PTPRN2: variants seen among roughly 807,000 people sequenced by gnomAD.
PTPRN2 encodes protein tyrosine phosphatase receptor type N2, also known as receptor-type tyrosine-protein phosphatase N2.
A neutral mutation model predicts 118.8 loss-of-function variants in PTPRN2; 74 were observed. That is an observed-to-expected ratio of 0.62 (90% CI 0.52 to 0.76). The LOEUF (loss-of-function observed/expected upper bound fraction) is 0.76, where lower values mean the gene tolerates loss of function less well. PTPRN2 is among the 30% of genes least tolerant of loss of function. PTPRN2 has a pLI of 0.00. For missense variants in PTPRN2, 1,481 were observed against 1,394.4 expected (o/e 1.06, Z -0.99); for synonymous variants, 641 against 608.0 (o/e 1.05, Z -0.80).
At chr7:158,267,571 C>A (rs1312905134) in intron 3 of PTPRN2, among the ~76,000 whole-genome samples, 2 of 152,152 alleles carry the variant, frequency 1.3e-5, no homozygotes, top group Admixed American at 6.5e-5. Context: ...AACCCTTACA[C>A]GGGGGTGACT....
intron 2 of PTPRN2, among the ~76,000 whole-genome samples, chr7:158,344,269 G>C (rs1807320601): frequency 6.6e-6 from 1 of 152,154 alleles, no homozygotes; most frequent in African/African-American, 2.4e-5. Context: ...GGCTCGGGAA[G>C]AGCTGTCTTC....
At chr7:157,757,508 G>A (rs932348067) in intron 12 of PTPRN2, among the ~76,000 whole-genome samples, 1 of 152,082 alleles carries the variant, frequency 6.6e-6, no homozygotes, top group Non-Finnish European at 1.5e-5. Flanking sequence ...GGACCCCAGG[G>A]AACTTTGGAT....
At chr7:157,998,620 C>T (rs112702071) in intron 11 of PTPRN2, among the ~76,000 whole-genome samples, 3 of 152,120 alleles carry the variant, frequency 2.0e-5, no homozygotes, top group Non-Finnish European at 2.9e-5. Context: ...GTCAGGAGAT[C>T]GAGACCATCC....
intron 12 of PTPRN2, among the ~76,000 whole-genome samples, chr7:157,694,545 T>C (rs1797676937): frequency 6.6e-6 from 1 of 152,192 alleles, no homozygotes; most frequent in Non-Finnish European, 1.5e-5. Context: ...CGCGTTTGTA[T>C]TTGAGGTGCT....
rs1479967404 is a variant in PTPRN2 at position 157,763,496 on chromosome 7, A to G, written c.1789-80559T>C. On this transcript the variant is annotated intron_variant, in intron 12 of 22. Coordinates refer to ENST00000389418, the MANE Select transcript of PTPRN2 (RefSeq NM_002847.5). The surrounding 1 kb of genome is among the most constrained non-coding windows in gnomAD (Gnocchi z 4.9). ...CTCCTAGCCCCAAACCCCACGGCAC[A>G]GTTGGGGATCCTCTCGGCTGGGTCC... Among the ~76,000 whole-genome samples the G allele has an allele frequency of 6.6e-6, 1 of 152,000 alleles. No individual in the cohort carries two copies. The highest frequency in any genetic ancestry group is 6.5e-5 in the Admixed American group (1 of 15,268).
intron 2 of PTPRN2, among the ~76,000 whole-genome samples, chr7:158,394,983 G>T (rs777437541): frequency 6.6e-6 from 1 of 152,222 alleles, no homozygotes; most frequent in Non-Finnish European, 1.5e-5. Context: ...AGGAGGCCCT[G>T]CCCGTCCACA....
At chr7:158,140,488 G>A (rs979783146) in intron 6 of PTPRN2, among the ~76,000 whole-genome samples, 1 of 152,182 alleles carries the variant, frequency 6.6e-6, no homozygotes, top group African/African-American at 2.4e-5. Context: ...AGCGGATAAG[G>A]AGGCCACATC....
chr7:157,610,065 C>T lies in PTPRN2; in HGVS notation c.2345-5990G>A, dbSNP rs899002591. 3.9e-5 allele frequency among the ~76,000 whole-genome samples: 6 copies of T among 152,238 alleles called. No homozygotes were observed. The highest frequency in any genetic ancestry group is 1.4e-4 in the African/African-American group (6 of 41,458). Reference sequence around the variant, plus strand: ...GTCTTGCTACACAGATCCCTGAGGACGGCATTCCCCCAGGCCTCCTGGCTT... The same window carrying T: ...GTCTTGCTACACAGATCCCTGAGGATGGCATTCCCCCAGGCCTCCTGGCTT... On this transcript the variant is annotated intron_variant, in intron 15 of 22. Coordinates refer to ENST00000389418, the MANE Select transcript of PTPRN2 (RefSeq NM_002847.5). This position sits in a 1 kb window ranked among gnomAD's most constrained non-coding sequence, Gnocchi z 5.1.
At chr7:158,008,405 C>T (rs578026939) in intron 11 of PTPRN2, among the ~76,000 whole-genome samples, 13 of 152,352 alleles carry the variant, frequency 8.5e-5, no homozygotes, top group Admixed American at 1.3e-4. Context: ...CGGGGGCTCC[C>T]CGCCAGGTCT....
At chr7:158,343,359 G>T (rs1297115102) in intron 2 of PTPRN2, among the ~76,000 whole-genome samples, 1 of 152,164 alleles carries the variant, frequency 6.6e-6, no homozygotes, top group South Asian at 2.1e-4. Flanking sequence ...CCTACTGCCC[G>T]CTCAGCAGGA....
At chr7:158,125,658 A>G (rs1353631823) in intron 9 of PTPRN2, among the ~76,000 whole-genome samples, 1 of 152,238 alleles carries the variant, frequency 6.6e-6, no homozygotes, top group Non-Finnish European at 1.5e-5. Flanking sequence ...AAAGAGGAGC[A>G]AGTGACAAGG....
In PTPRN2 at chr7:158,290,117, T is replaced by C. The variant is rs530333804; in HGVS notation, c.277+26702A>G. ...GAGCTTGAATTTGTGGGGGTGAGCCTGGGTCCTGGATCCACAAGGGTTGGC... is the reference window on the plus strand; with the variant it reads ...GAGCTTGAATTTGTGGGGGTGAGCCCGGGTCCTGGATCCACAAGGGTTGGC... On this transcript the variant is annotated intron_variant, in intron 3 of 22. Coordinates refer to ENST00000389418, the MANE Select transcript of PTPRN2 (RefSeq NM_002847.5). Among the ~76,000 whole-genome samples, 22 of 152,114 alleles carry C rather than the reference T, an allele frequency of 1.4e-4. No individual in the cohort carries two copies. In the South Asian group the frequency reaches 4.2e-3, roughly 29 times the overall value.
Position 157,813,325 on chromosome 7 carries a change from G to A in PTPRN2, c.1788+85348C>T, listed in dbSNP as rs1806177180. ...GAGTCCAGCCAGTGCTGGGAAGCCG[G>A]TGTGGCTAGGACAACAAAGACCAAG... On this transcript the variant is annotated intron_variant, in intron 12 of 22. Transcript: ENST00000389418. The surrounding 1 kb of genome is among the most constrained non-coding windows in gnomAD (Gnocchi z 4.7). Among the ~76,000 whole-genome samples the A allele has an allele frequency of 1.3e-5, 2 of 152,136 alleles. No homozygotes were observed. The highest frequency in any genetic ancestry group is 4.1e-4 in the South Asian group (2 of 4,822).
In PTPRN2 at chr7:158,070,577, G is replaced by A. The variant is rs1172959862; in HGVS notation, c.1723+10721C>T. ...GCCCATGGTGGTGGTGGAGGTGCCC[G>A]TGGTGGTGGAGGTGCCTGTGGTGGA... On this transcript the variant is annotated intron_variant, in intron 11 of 22. Coordinates refer to ENST00000389418, the MANE Select transcript of PTPRN2 (RefSeq NM_002847.5). Among the ~76,000 whole-genome samples the A allele has an allele frequency of 1.7e-3, 197 of 114,058 alleles. 6 individuals are homozygous for A. Among genetic ancestry groups the A allele is most frequent in the Admixed American group, 0.015 (178 of 11,574 alleles). 74.8% of individuals were successfully genotyped at this position (114,058 alleles called of 152,430 possible).
At chr7:158,317,542 C>G (rs10239062) in intron 2 of PTPRN2, among the ~76,000 whole-genome samples, 1,583 of 152,352 alleles carry the variant, frequency 0.01, 36 homozygotes, top group African/African-American at 0.036. Flanking sequence ...AACATCCTTT[C>G]CAACCACACC....
rs1370810273 is a variant in PTPRN2, at chr7:157,609,798, G to A, written c.2345-5723C>T. 6.6e-6 allele frequency among the ~76,000 whole-genome samples: 1 copy of A among 152,218 alleles called. No individual in the cohort carries two copies. The highest frequency in any genetic ancestry group is 2.4e-5 in the African/African-American group (1 of 41,456). ...TGCGCAGGTCAGCCAAGCTGGCAAA[G>A]CGTGTTCTTGCTGCCCCGTGGTGGC... is the stretch of plus-strand genomic sequence containing the variant. On this transcript the variant is annotated intron_variant, in intron 15 of 22. Transcript: ENST00000389418. This position sits in a 1 kb window ranked among gnomAD's most constrained non-coding sequence, Gnocchi z 4.9.
At chr7:158,142,537 G>A (rs778145155) in intron 6 of PTPRN2, among the ~76,000 whole-genome samples, 12 of 152,266 alleles carry the variant, frequency 7.9e-5, no homozygotes, top group Middle Eastern at 3.4e-3. Context: ...GAAGGGAAAC[G>A]CAGGGATTGG....
At position 158,587,782 on chromosome 7, in the gene PTPRN2, C is replaced by A. The variant is rs866486994; in HGVS notation, c.-113G>T. 2.2e-3 allele frequency: 2,207 copies of A among 983,332 alleles called. 35 individuals carry two copies. The African/African-American group carries it at 0.033, about 15-fold the overall frequency. The allele number at this position is 983,332 out of a possible 1,614,324, so 60.9% of individuals were successfully genotyped here. ...CGCCGGCTCCTCCCGCCGCGCCTCTCGCGCTCTTGCGGCGACGCCGGGCCG... is the reference window on the plus strand; with the variant it reads ...CGCCGGCTCCTCCCGCCGCGCCTCTAGCGCTCTTGCGGCGACGCCGGGCCG... On this transcript the variant is annotated 5_prime_UTR_variant, in exon 1 of 23. Transcript: ENST00000389418.
At chr7:157,909,967 G>C (rs546700054) in intron 11 of PTPRN2, among the ~76,000 whole-genome samples, 15 of 152,352 alleles carry the variant, frequency 9.8e-5, no homozygotes, top group African/African-American at 3.4e-4. Flanking sequence ...TCTCTAGGAT[G>C]ATCATGCCAC....
Sources: gnomAD v4.1 joint callset for allele counts (sites outside exome capture counted in the v4.1 genomes callset) on GRCh38, gnomAD v4.1.1 for gene constraint, Gnocchi (gnomAD v3.1) non-coding constraint, MANE v1.5 for transcripts, NCBI Gene and HGNC (gene_info 2026-07-23, HGNC 2026-07-21) for gene names.